ENAH: variants seen among roughly 807,000 people sequenced by gnomAD.
The protein encoded by ENAH is ENAH actin regulator, also known as protein enabled homolog.
A neutral mutation model predicts 78.7 loss-of-function variants in ENAH; 23 were observed. The ratio of observed to expected loss-of-function variants is 0.29; its 90% CI spans 0.21 to 0.41. ENAH has a LOEUF of 0.41. Among genes scored for constraint, ENAH ranks in the 10% least tolerant of loss-of-function variants. ENAH has a pLI of 1.00. For synonymous variants in ENAH, 226 were observed against 241.0 expected (o/e 0.94, Z 0.58); for missense variants, 544 against 691.0 (o/e 0.79, Z 2.39).
At chr1:225,567,461 T>C (rs749572896) in intron 1 of ENAH, 47 bp from the exon 2 acceptor site, 27 of 1,564,264 alleles carry the variant, frequency 1.7e-5, no homozygotes, top group South Asian at 2.3e-5. Context: ...ATTTAAAATA[T>C]GCTAAGTGTT....
At chr1:225,613,563 C>G (rs1352429315) in intron 1 of ENAH, among the ~76,000 whole-genome samples, 3 of 152,018 alleles carry the variant, frequency 2.0e-5, no homozygotes, top group Admixed American at 2.0e-4. Context: ...AAATATACAA[C>G]TAGATCAACA....
intron 2 of ENAH, among the ~76,000 whole-genome samples, chr1:225,558,597 G>C (rs533298480): frequency 8.6e-6 from 1 of 116,226 alleles, no homozygotes; most frequent in Non-Finnish European, 1.8e-5. Context: ...CCTCCTTAGT[G>C]TGTTTGCTTT....
intron 1 of ENAH, among the ~76,000 whole-genome samples, chr1:225,632,544 G>GTT (rs1480913097): frequency 6.7e-6 from 1 of 148,440 alleles, no homozygotes; most frequent in Non-Finnish European, 1.5e-5. Flanking sequence ...AAGATGAAAA[G>GTT]ACCTTTTAAC....
At chr1:225,522,083 CCG>C (rs2096473707) in intron 4 of ENAH, among the ~76,000 whole-genome samples, 1 of 152,202 alleles carries the variant, frequency 6.6e-6, no homozygotes, top group African/African-American at 2.4e-5. Flanking sequence ...GTGTGAGCCA[CCG>C]CGCCCGGCCC....
At chr1:225,557,949 T>C (rs1303341711) in intron 2 of ENAH, among the ~76,000 whole-genome samples, 2 of 152,224 alleles carry the variant, frequency 1.3e-5, no homozygotes, top group East Asian at 3.8e-4. Flanking sequence ...TACTGCATTT[T>C]ATCAAGTCCT....
At position 225,652,879 on chromosome 1, in the gene ENAH, G is replaced by C. The variant is rs1031642952; in HGVS notation, c.-189C>G. ...GCCGAGGCGCCGGCCGGGAGTGTGG[G>C]AGAAGAGGGCGAGAGAAAGGCTGGG... On this transcript the variant is annotated 5_prime_UTR_variant, in exon 1 of 14. Coordinates refer to ENST00000366843, the MANE Select transcript of ENAH (RefSeq NM_018212.6). 2.4e-6 allele frequency: 1 copy of C among 409,426 alleles called. No homozygotes were observed. The allele number at this position is 409,426 out of a possible 1,614,324, so 25.4% of individuals were successfully genotyped here. A position where few individuals can be genotyped will look rare whatever the true frequency, so the allele number is the denominator to read the frequency against.
At chr1:225,631,465 T>G (rs985833754) in intron 1 of ENAH, among the ~76,000 whole-genome samples, 12 of 151,562 alleles carry the variant, frequency 7.9e-5, no homozygotes, top group Admixed American at 2.6e-4. Context: ...TCCCAGCTAC[T>G]TGGGAAGCTG....
At chr1:225,503,310 T>G (rs2096295911) in intron 11 of ENAH, among the ~76,000 whole-genome samples, 1 of 152,204 alleles carries the variant, frequency 6.6e-6, no homozygotes, top group Non-Finnish European at 1.5e-5. Context: ...TATGTATTTT[T>G]GGACACAGGG....
At chr1:225,541,288 G>A (rs1270419692) in intron 3 of ENAH, among the ~76,000 whole-genome samples, 1 of 26,138 alleles carries the variant, frequency 3.8e-5, no homozygotes, top group African/African-American at 2.7e-4. Context: ...CAAAAAATTA[G>A]CCAGGCGTTG....
intron 1 of ENAH, among the ~76,000 whole-genome samples, chr1:225,581,688 T>TAAAATTA (rs2096818879): frequency 6.6e-6 from 1 of 152,038 alleles, no homozygotes; most frequent in African/African-American, 2.4e-5. Flanking sequence ...AACTCTGGAT[T>TAAAATTA]AAAATTAAAA....
At chr1:225,637,217 C>T (rs1660219392) in intron 1 of ENAH, among the ~76,000 whole-genome samples, 3 of 151,860 alleles carry the variant, frequency 2.0e-5, no homozygotes, top group African/African-American at 7.2e-5. Flanking sequence ...GTTGTTGTTG[C>T]TTGGTTGTGA....
At chr1:225,600,950 A>C (rs532582069) in intron 1 of ENAH, among the ~76,000 whole-genome samples, 1 of 152,344 alleles carries the variant, frequency 6.6e-6, no homozygotes, top group Admixed American at 6.5e-5. Context: ...TTTCTTTGTA[A>C]CATTCTTACA....
rs1188861105 is a variant in ENAH at position 225,490,626 on chromosome 1, G to A, written c.*7149C>T. 1 of 152,030 alleles carries A rather than the reference G, an allele frequency of 6.6e-6. No homozygotes were observed. The highest frequency in any genetic ancestry group is 2.4e-5 in the African/African-American group (1 of 41,374). The allele number at this position is 152,030 out of a possible 1,614,324, so 9.4% of individuals were successfully genotyped here. A position where few individuals can be genotyped will look rare whatever the true frequency, so the allele number is the denominator to read the frequency against. ...AATGATCAAGCCCAAAGTACCTCTG[G>A]GAAGGACACCAAATTGTAAAGTCCT... is the stretch of plus-strand genomic sequence containing the variant. On this transcript the variant is annotated 3_prime_UTR_variant, in exon 14 of 14. Transcript: ENST00000366843.
chr1:225,551,251 T>C (rs1301081951), intron 3 of ENAH, among the ~76,000 whole-genome samples: 2 of 152,284 alleles, frequency 1.3e-5, no homozygotes, highest in Middle Eastern at 3.4e-3. Flanking sequence ...GCACCTTCTG[T>C]ACTTTCCAGT....
chr1:225,609,807 G>A (rs1331594684), intron 1 of ENAH, among the ~76,000 whole-genome samples: 1 of 151,730 alleles, frequency 6.6e-6, no homozygotes, highest in East Asian at 1.9e-4. Context: ...GGGAGCACAG[G>A]CATGCGCCAC....
chr1:225,597,070 A>G (rs914243241), intron 1 of ENAH, among the ~76,000 whole-genome samples: 5 of 152,152 alleles, frequency 3.3e-5, no homozygotes, highest in Non-Finnish European at 7.3e-5. Context: ...AAAGACAATA[A>G]AAGTCTTCAA....
chr1:225,563,040 G>GATTTATTCTAATAACACTTAA (rs1450744535), intron 2 of ENAH, among the ~76,000 whole-genome samples: 5 of 151,364 alleles, frequency 3.3e-5, no homozygotes, highest in Admixed American at 3.3e-4. Flanking sequence ...TTTATTCTTA[G>GATTTATTCTAATAACACTTAA]GGATGGTGTT....
At chr1:225,529,432 G>A (rs944416382) in intron 4 of ENAH, among the ~76,000 whole-genome samples, 4 of 152,030 alleles carry the variant, frequency 2.6e-5, no homozygotes, top group Non-Finnish European at 4.4e-5. Flanking sequence ...CACAAGTACT[G>A]AGACTGATAA....
rs200079684 is a variant in ENAH at position 225,597,802 on chromosome 1, T to A, written c.6-30388A>T. Reference sequence around the variant, plus strand: ...AACGGAACAAAATATTAATAGATGATGCATAAGGCCTACCGAAGGTCCATT... The same window carrying A: ...AACGGAACAAAATATTAATAGATGAAGCATAAGGCCTACCGAAGGTCCATT... On this transcript the variant is annotated intron_variant, in intron 1 of 13. Transcript: ENST00000366843. Among the ~76,000 whole-genome samples the A allele has an allele frequency of 2.6e-5, 4 of 152,150 alleles. No individual in the cohort carries two copies. In the East Asian group the frequency reaches 7.7e-4, roughly 29 times the overall value.
Sources: allele counts gnomAD v4.1 joint callset (sites outside exome capture counted in the v4.1 genomes callset), GRCh38; gene constraint gnomAD v4.1.1; transcripts MANE v1.5; gene names NCBI Gene and HGNC (gene_info 2026-07-23, HGNC 2026-07-21).